EFCAB11: variants seen among roughly 807,000 people sequenced by gnomAD.
EFCAB11 encodes EF-hand calcium-binding domain-containing protein 11.
EFCAB11 carries 14 observed loss-of-function variants against 23.0 expected under a neutral mutation model. The ratio of observed to expected loss-of-function variants is 0.61; its 90% confidence interval spans 0.40 to 0.95. The LOEUF (loss-of-function observed/expected upper bound fraction) is 0.95, where lower values mean the gene tolerates loss of function less well. Ranked by LOEUF, EFCAB11 falls within the 40% of genes least tolerant of loss-of-function variation. The pLI is 0.00. For synonymous variants in EFCAB11, 65 were observed against 66.6 expected, an observed-to-expected ratio of 0.98 and a Z score of 0.11; for missense variants, 198 against 195.8, an observed-to-expected ratio of 1.01 and a Z score of -0.07.
At chr14:89,852,904 G>A (rs562062245) in intron 5 of EFCAB11, among the ~76,000 whole-genome samples, 2 of 152,196 alleles carry the variant, frequency 1.3e-5, no homozygotes, top group South Asian at 4.2e-4. Flanking sequence ...TGGAAACTCT[G>A]TACCCATTGA....
chr14:89,825,920 T>C (rs1311527661), intron 5 of EFCAB11, among the ~76,000 whole-genome samples: 6 of 152,150 alleles, frequency 3.9e-5, no homozygotes, highest in Non-Finnish European at 5.9e-5. Flanking sequence ...GAAAATTACT[T>C]CCCAGGATCA....
chr14:89,852,466 A>C (rs1308126708), intron 5 of EFCAB11, among the ~76,000 whole-genome samples: 1 of 152,168 alleles, frequency 6.6e-6, no homozygotes, highest in African/African-American at 2.4e-5. Context: ...CCTGGGGAGC[A>C]GCCCACATCC....
chr14:89,894,042 C>T (rs1889078361), intron 5 of EFCAB11, among the ~76,000 whole-genome samples: 1 of 151,936 alleles, frequency 6.6e-6, no homozygotes, highest in South Asian at 2.1e-4. Context: ...TGCAGTGGCG[C>T]GATCTCGGCT....
At chr14:89,933,826 T>G (rs986035284) in intron 3 of EFCAB11, among the ~76,000 whole-genome samples, 15 of 152,156 alleles carry the variant, frequency 9.9e-5, no homozygotes, top group African/African-American at 3.6e-4. Flanking sequence ...TGAAAAAGAT[T>G]CACAGGAATC....
chr14:89,839,538 T>C, intron 5 of EFCAB11, among the ~76,000 whole-genome samples: 1 of 152,094 alleles, frequency 6.6e-6, no homozygotes, highest in African/African-American at 2.4e-5. Context: ...TTTGGGGTCA[T>C]GATGGGAAGA....
chr14:89,929,063 T>TATATATATATATATA (rs1890299693), intron 5 of EFCAB11, among the ~76,000 whole-genome samples: 1 of 114,130 alleles, frequency 8.8e-6, no homozygotes, highest in African/African-American at 3.4e-5. Context: ...ACATATTTTT[T>TATATATATATATATA]TTTAGGAGGG....
At chr14:89,862,014 C>A (rs1205352597) in intron 5 of EFCAB11, among the ~76,000 whole-genome samples, 2 of 152,180 alleles carry the variant, frequency 1.3e-5, no homozygotes, top group African/African-American at 4.8e-5. Context: ...TGAATCTTTC[C>A]TTACCTAATC....
chr14:89,882,068 T>C (rs1386828200), intron 5 of EFCAB11, among the ~76,000 whole-genome samples: 2 of 152,170 alleles, frequency 1.3e-5, no homozygotes, highest in Non-Finnish European at 2.9e-5. Flanking sequence ...CTAATCCCAC[T>C]TCCCCTTTCA....
chr14:89,929,861 T>C (rs967022903), intron 5 of EFCAB11, among the ~76,000 whole-genome samples: 42 of 152,282 alleles, frequency 2.8e-4, no homozygotes, highest in African/African-American at 9.6e-4. Context: ...ATTGCCTGTA[T>C]CTTGAATGGC....
chr14:89,854,237 A>AT (rs33945384), intron 5 of EFCAB11, among the ~76,000 whole-genome samples: 1 of 150,668 alleles, frequency 6.6e-6, no homozygotes, highest in South Asian at 2.1e-4. Flanking sequence ...ATACAAACAC[A>AT]TTTTTTTTAA....
chr14:89,939,250 T>C (rs7149018), intron 3 of EFCAB11, among the ~76,000 whole-genome samples: 8,700 of 151,496 alleles, frequency 0.057, 800 homozygotes, highest in African/African-American at 0.2. Context: ...TATAGTTACA[T>C]ACTATATTCC....
intron 3 of EFCAB11, among the ~76,000 whole-genome samples, chr14:89,936,237 A>T (rs574722416): frequency 6.6e-6 from 1 of 152,358 alleles, no homozygotes; most frequent in East Asian, 1.9e-4. Flanking sequence ...TGATAAAGGG[A>T]AAAAAGCACA....
At chr14:89,845,944 T>C (rs554778595) in intron 5 of EFCAB11, among the ~76,000 whole-genome samples, 58 of 152,324 alleles carry the variant, frequency 3.8e-4, no homozygotes, top group African/African-American at 1.3e-3. Flanking sequence ...CAGACAGTTT[T>C]ACAGAGTTAG....
intron 3 of EFCAB11, among the ~76,000 whole-genome samples, chr14:89,941,088 C>T (rs1429441939): frequency 6.6e-6 from 1 of 152,202 alleles, no homozygotes; most frequent in Non-Finnish European, 1.5e-5. Flanking sequence ...AACAGCTCAT[C>T]GACACTGACA....
chr14:89,811,815 G>C (rs752635808), intron 5 of EFCAB11, among the ~76,000 whole-genome samples: 1 of 152,158 alleles, frequency 6.6e-6, no homozygotes, highest in Non-Finnish European at 1.5e-5. Flanking sequence ...ATAAATTTGT[G>C]TTGTTTAAAG....
chr14:89,837,742 G>T (rs1887130482), intron 5 of EFCAB11, among the ~76,000 whole-genome samples: 1 of 152,126 alleles, frequency 6.6e-6, no homozygotes, highest in African/African-American at 2.4e-5. Context: ...GAGATTGGAG[G>T]TAGGGGCAGG....
At chr14:89,798,997 G>C (rs2401855) in intron 5 of EFCAB11, among the ~76,000 whole-genome samples, 125,515 of 152,128 alleles carry the variant, frequency 0.83, 52,306 homozygotes, top group Middle Eastern at 0.89. Context: ...CTATGTTGGC[G>C]AGGCTGGTCT....
In EFCAB11 at chr14:89,797,205, T is replaced by C. The variant is rs1226959080; in HGVS notation, c.*38A>G. ...TCGAGTCTGCTGACATTACAATCTA[T>C]TGATCTCCCCAGAGTTACCAAAAGT... On this transcript the variant is annotated 3_prime_UTR_variant, in exon 6 of 6. Coordinates refer to ENST00000316738, the MANE Select transcript of EFCAB11 (RefSeq NM_145231.4). 2.6e-6 allele frequency: 4 copies of C among 1,543,204 alleles called. No homozygotes were observed. In the South Asian group the frequency reaches 3.4e-5, roughly 13 times the overall value.
At chr14:89,922,892 C>G (rs1890064925) in intron 5 of EFCAB11, among the ~76,000 whole-genome samples, 1 of 152,094 alleles carries the variant, frequency 6.6e-6, no homozygotes. Flanking sequence ...TGCAAGGTGG[C>G]AGAGTAGGGC....
Sources: gnomAD v4.1 joint callset for allele counts (sites outside exome capture counted in the v4.1 genomes callset) on GRCh38, gnomAD v4.1.1 for gene constraint, MANE v1.5 for transcripts, NCBI Gene and HGNC (gene_info 2026-07-23, HGNC 2026-07-21) for gene names.